The following CSTPP1 variants were observed in gnomAD, a reference collection of about 807,000 sequenced individuals.
CSTPP1 encodes the protein UPF0705 protein C11orf49.
At chr11:47,151,747 C>CCTTT in the CSTPP1 span, among the ~76,000 whole-genome samples, 80 of 151,590 alleles carry the variant, frequency 5.3e-4, no homozygotes, top group African/African-American at 1.9e-3. Flanking sequence ...AACCCTCAGT[C>CCTTT]CTTTATACAT....
the CSTPP1 span, among the ~76,000 whole-genome samples, chr11:47,088,735 G>A: frequency 2.7e-3 from 417 of 152,032 alleles, 2 homozygotes; most frequent in African/African-American, 9.3e-3. Context: ...TAATAGAGAT[G>A]GGGTTTCACC....
chr11:47,104,030 T>G, the CSTPP1 span, among the ~76,000 whole-genome samples: 1 of 152,166 alleles, frequency 6.6e-6, no homozygotes, highest in African/African-American at 2.4e-5. Flanking sequence ...AATCATCCTA[T>G]TCTTTAATAT....
the CSTPP1 span, among the ~76,000 whole-genome samples, chr11:47,064,322 A>G: frequency 3.9e-5 from 6 of 151,982 alleles, no homozygotes; most frequent in African/African-American, 1.2e-4. Context: ...CTTAATTTCA[A>G]TGAAGTCCAA....
the CSTPP1 span, among the ~76,000 whole-genome samples, chr11:47,035,471 A>G: frequency 6.6e-6 from 1 of 152,262 alleles, no homozygotes; most frequent in South Asian, 2.1e-4. Flanking sequence ...TTAGCATCAC[A>G]TGGTGTTTTA....
chr11:46,957,734 G>A, the CSTPP1 span, among the ~76,000 whole-genome samples: 1 of 152,132 alleles, frequency 6.6e-6, no homozygotes, highest in Non-Finnish European at 1.5e-5. Context: ...TGGAACTGTT[G>A]TTACTTAGAC....
chr11:47,142,116 G>A, the CSTPP1 span, among the ~76,000 whole-genome samples: 3 of 150,342 alleles, frequency 2.0e-5, no homozygotes, highest in East Asian at 2.0e-4. Flanking sequence ...GGTGATGCAC[G>A]CCAGTAGTCC....
At chr11:47,074,400 T>A in the CSTPP1 span, among the ~76,000 whole-genome samples, 1 of 150,818 alleles carries the variant, frequency 6.6e-6, no homozygotes, top group Non-Finnish European at 1.5e-5. Context: ...CTTGGGAGGC[T>A]GAGGTGGGAA....
the CSTPP1 span, among the ~76,000 whole-genome samples, chr11:46,998,542 ACC>A: frequency 6.6e-6 from 1 of 152,184 alleles, no homozygotes; most frequent in Admixed American, 6.5e-5. Flanking sequence ...TGAAAAGTAA[ACC>A]AGCTCCAGAA....
the CSTPP1 span, among the ~76,000 whole-genome samples, chr11:47,066,118 G>GTTA: frequency 1.3e-5 from 1 of 76,620 alleles, no homozygotes; most frequent in Non-Finnish European, 2.8e-5. Context: ...TTTTTTTTTT[G>GTTA]TTTGTTTGTT....
At chr11:46,947,182 T>G in the CSTPP1 span, among the ~76,000 whole-genome samples, 1 of 152,200 alleles carries the variant, frequency 6.6e-6, no homozygotes, top group Non-Finnish European at 1.5e-5. Flanking sequence ...GAAGGAGATT[T>G]TCTACAATTT....
chr11:47,043,086 G>A, the CSTPP1 span, among the ~76,000 whole-genome samples: 164 of 152,278 alleles, frequency 1.1e-3, no homozygotes, highest in Middle Eastern at 3.4e-3. Flanking sequence ...CTGTGCTCTG[G>A]ATTCAGAAGG....
chr11:47,070,246 G>A, the CSTPP1 span, among the ~76,000 whole-genome samples: 1 of 151,988 alleles, frequency 6.6e-6, no homozygotes, highest in African/African-American at 2.4e-5. Context: ...AAACAGGGTG[G>A]GTGGATGGAT....
the CSTPP1 span, among the ~76,000 whole-genome samples, chr11:46,947,732 A>G: frequency 6.6e-6 from 1 of 152,198 alleles, no homozygotes; most frequent in Non-Finnish European, 1.5e-5. Context: ...ACTATTATCT[A>G]GCCCCGAGAT....
chr11:47,145,619 A>G, the CSTPP1 span, among the ~76,000 whole-genome samples: 1 of 152,040 alleles, frequency 6.6e-6, no homozygotes, highest in Non-Finnish European at 1.5e-5. Flanking sequence ...CCCTCCCAAA[A>G]AAAATTATTT....
the CSTPP1 span, among the ~76,000 whole-genome samples, chr11:47,074,997 G>A: frequency 6.6e-6 from 1 of 152,180 alleles, no homozygotes; most frequent in Non-Finnish European, 1.5e-5. Context: ...AAAGAAAATG[G>A]ACATGTAAAT....
At chr11:47,079,249 C>T in the CSTPP1 span, among the ~76,000 whole-genome samples, 1 of 152,128 alleles carries the variant, frequency 6.6e-6, no homozygotes, top group African/African-American at 2.4e-5. Context: ...CATCTGGACA[C>T]AAATCTGAGG....
chr11:46,997,891 C>A, the CSTPP1 span, among the ~76,000 whole-genome samples: 5 of 152,302 alleles, frequency 3.3e-5, no homozygotes, highest in African/African-American at 1.2e-4. Flanking sequence ...TGCAGAGGAG[C>A]AAATGTAGTT....
chr11:47,057,901 G>A, the CSTPP1 span, among the ~76,000 whole-genome samples: 6 of 152,304 alleles, frequency 3.9e-5, no homozygotes, highest in African/African-American at 1.4e-4. Context: ...GTTCTCAACA[G>A]TTTAAAAGCA....
the CSTPP1 span, among the ~76,000 whole-genome samples, chr11:47,027,256 G>A: frequency 6.6e-6 from 1 of 152,150 alleles, no homozygotes; most frequent in Non-Finnish European, 1.5e-5. Flanking sequence ...TGGCACCTGC[G>A]AGTTTACCAT....
Sources: gnomAD v4.1 joint callset for allele counts (sites outside exome capture counted in the v4.1 genomes callset) on GRCh38, gnomAD v4.1.1 for gene constraint, MANE v1.5 for transcripts, NCBI Gene and HGNC (gene_info 2026-07-23, HGNC 2026-07-21) for gene names.